Variants in MMP26 observed in about 807,000 individuals in gnomAD.
MMP26 encodes the protein matrix metalloproteinase-26.
A neutral mutation model predicts 31.0 loss-of-function variants in MMP26; 33 were observed. The ratio of observed to expected loss-of-function variants is 1.06; its 90% CI spans 0.81 to 1.42. The LOEUF (loss-of-function observed/expected upper bound fraction) is 1.42. MMP26 is among the 40% of genes most tolerant of loss of function. MMP26 has a pLI of 0.00. For synonymous variants in MMP26, 122 were observed against 114.9 expected (o/e 1.06, Z -0.40); for missense variants, 347 against 316.1 (o/e 1.10, Z -0.74).
At chr11:4,941,280 T>C (rs1846202371) in intron 2 of MMP26, among the ~76,000 whole-genome samples, 1 of 152,190 alleles carries the variant, frequency 6.6e-6, no homozygotes, top group Admixed American at 6.5e-5. Flanking sequence ...CAACCACATA[T>C]AGCCAGCCTG....
At chr11:4,737,635 CTCTG>C (rs1564898124) in intron 1 of MMP26, among the ~76,000 whole-genome samples, 4 of 151,734 alleles carry the variant, frequency 2.6e-5, no homozygotes, top group East Asian at 1.9e-4. Context: ...AAGAGTGAAA[CTCTG>C]TCTGAAACAA....
intron 2 of MMP26, chr11:4,848,556 G>C (rs1849916477): frequency 6.2e-7 from 1 of 1,611,594 alleles, no homozygotes; most frequent in South Asian, 1.1e-5. Context: ...AATAAGCAGG[G>C]GGTCCAAACC....
At chr11:4,826,271 GA>G (rs1849576990) in intron 2 of MMP26, among the ~76,000 whole-genome samples, 2 of 152,110 alleles carry the variant, frequency 1.3e-5, no homozygotes, top group Admixed American at 1.3e-4. Flanking sequence ...TTCTTTCTAG[GA>G]GTATAATGCG....
intron 2 of MMP26, among the ~76,000 whole-genome samples, chr11:4,771,671 T>G (rs543701246): frequency 1.3e-5 from 2 of 152,338 alleles, no homozygotes; most frequent in South Asian, 4.1e-4. Context: ...AAATTAGATG[T>G]GTCAAATTCA....
intron 2 of MMP26, among the ~76,000 whole-genome samples, chr11:4,837,577 G>A (rs573454350): frequency 8.2e-4 from 125 of 151,594 alleles, no homozygotes; most frequent in Non-Finnish European, 1.2e-3. Flanking sequence ...CATGGGAGAG[G>A]AAACAAAAAT....
At chr11:4,721,225 A>G (rs538553794) in intron 1 of MMP26, among the ~76,000 whole-genome samples, 2 of 152,326 alleles carry the variant, frequency 1.3e-5, no homozygotes, top group South Asian at 4.1e-4. Context: ...CGCAAGCTCA[A>G]TATGGTCATG....
intron 1 of MMP26, chr11:4,711,520 A>G (rs1847862145): frequency 6.6e-6 from 1 of 152,184 alleles, no homozygotes. Flanking sequence ...CCCACAAAAC[A>G]AAACTTTTTT....
chr11:4,803,605 AG>A (rs781597481), intron 2 of MMP26: 98 of 1,613,980 alleles, frequency 6.1e-5, no homozygotes, highest in Non-Finnish European at 7.9e-5. Context: ...GAAAGAAAAA[AG>A]GGCTGGGATA....
intron 2 of MMP26, chr11:4,804,406 G>T: frequency 6.5e-7 from 1 of 1,544,722 alleles, no homozygotes; most frequent in Non-Finnish European, 9.0e-7. Context: ...GTCTCTGCTG[G>T]GAACGCAATC....
intron 2 of MMP26, among the ~76,000 whole-genome samples, chr11:4,856,587 C>T (rs938826422): frequency 1.3e-5 from 2 of 152,144 alleles, no homozygotes; most frequent in Non-Finnish European, 2.9e-5. Flanking sequence ...CCTGAGTGAC[C>T]TACAAAGAGA....
At chr11:4,780,261 C>T (rs1232732899) in intron 2 of MMP26, among the ~76,000 whole-genome samples, 1 of 151,848 alleles carries the variant, frequency 6.6e-6, no homozygotes, top group Non-Finnish European at 1.5e-5. Context: ...CATACATGAC[C>T]AAAAAGGTTT....
chr11:4,735,542 C>G (rs1848228523), intron 1 of MMP26, among the ~76,000 whole-genome samples: 1 of 152,146 alleles, frequency 6.6e-6, no homozygotes, highest in African/African-American at 2.4e-5. Flanking sequence ...CTTATATATT[C>G]TTATTACTCC....
intron 2 of MMP26, among the ~76,000 whole-genome samples, chr11:4,971,539 T>C (rs939830671): frequency 2.0e-5 from 3 of 152,058 alleles, no homozygotes; most frequent in African/African-American, 7.2e-5. Flanking sequence ...CAACTCTAAA[T>C]GAACAGTGAA....
intron 2 of MMP26, among the ~76,000 whole-genome samples, chr11:4,932,089 T>A (rs116083673): frequency 0.015 from 2,242 of 152,202 alleles, 58 homozygotes; most frequent in African/African-American, 0.051. Flanking sequence ...CAACTCCCGA[T>A]AGAGTTGTTC....
At chr11:4,825,889 G>A (rs956681077) in intron 2 of MMP26, among the ~76,000 whole-genome samples, 2 of 151,996 alleles carry the variant, frequency 1.3e-5, no homozygotes, top group African/African-American at 2.4e-5. Flanking sequence ...CGTTAATCAG[G>A]GTTCAATCAA....
chr11:4,733,735 T>G (rs940263676), intron 1 of MMP26, among the ~76,000 whole-genome samples: 1 of 152,148 alleles, frequency 6.6e-6, no homozygotes, highest in Non-Finnish European at 1.5e-5. Context: ...TGGATGAGAG[T>G]GGACATCCTT....
intron 2 of MMP26, among the ~76,000 whole-genome samples, chr11:4,967,835 G>A (rs1846617275): frequency 6.6e-6 from 1 of 152,052 alleles, no homozygotes; most frequent in Non-Finnish European, 1.5e-5. Flanking sequence ...AAGGGATCAG[G>A]TAGGGAGAAA....
intron 2 of MMP26, among the ~76,000 whole-genome samples, chr11:4,874,788 G>T (rs1430890598): frequency 1.3e-5 from 2 of 152,052 alleles, no homozygotes; most frequent in African/African-American, 2.4e-5. Context: ...AAATGGAAGA[G>T]AATTGATTGT....
chr11:4,769,749 G>GC (rs1848689218), intron 2 of MMP26: 2 of 1,613,830 alleles, frequency 1.2e-6, no homozygotes, highest in Admixed American at 3.3e-5. Context: ...GGTTCATGGA[G>GC]ACTCTGCTGG....
Sources: gnomAD v4.1 joint callset for allele counts (sites outside exome capture counted in the v4.1 genomes callset) on GRCh38, gnomAD v4.1.1 for gene constraint, MANE v1.5 for transcripts, NCBI Gene and HGNC (gene_info 2026-07-23, HGNC 2026-07-21) for gene names.